The following ELP1 variants were observed in gnomAD, a reference collection of about 807,000 sequenced individuals.
ELP1 encodes the protein elongator complex protein 1.
Under a neutral mutation model 183.2 loss-of-function variants are expected in ELP1, and 131 were observed. That is an observed-to-expected ratio of 0.72 (90% CI 0.62 to 0.83). The LOEUF is 0.83. ELP1 is among the 40% of genes least tolerant of loss of function. ELP1 has a pLI of 0.00. For missense variants in ELP1, 1,550 were observed against 1,594.9 expected (o/e 0.97, Z 0.48); for synonymous variants, 555 against 569.0 (o/e 0.98, Z 0.35).
chr9:108,905,875 AC>A (rs1828998547), intron 14 of ELP1, among the ~76,000 whole-genome samples: 4 of 143,630 alleles, frequency 2.8e-5, no homozygotes, highest in Non-Finnish European at 6.3e-5. Context: ...GTATACACAC[AC>A]ACACACACAC....
At chr9:108,892,763 AAAG>A (rs1828392630) in intron 27 of ELP1, among the ~76,000 whole-genome samples, 1 of 152,196 alleles carries the variant, frequency 6.6e-6, no homozygotes, top group Admixed American at 6.5e-5. Flanking sequence ...GAGGGGTGGG[AAAG>A]AAGCAGGGAA....
At chr9:108,898,105 A>G (rs1828625719) in intron 22 of ELP1, among the ~76,000 whole-genome samples, 1 of 152,242 alleles carries the variant, frequency 6.6e-6, no homozygotes, top group Non-Finnish European at 1.5e-5. Context: ...TAAACTGGCG[A>G]ATCCAGGTGG....
Position 108,890,885 on chromosome 9 carries a change from C to T in ELP1, c.3160+318G>A, listed in dbSNP as rs112030147. 2.6e-3 allele frequency among the ~76,000 whole-genome samples: 400 copies of T among 152,302 alleles called. 3 individuals are homozygous for T. Among genetic ancestry groups the T allele is most frequent in the African/African-American group, 8.9e-3 (372 of 41,566 alleles). On this transcript the variant is annotated intron_variant, in intron 28 of 36. Coordinates refer to ENST00000374647, the MANE Select transcript of ELP1 (RefSeq NM_003640.5). Reference sequence around the variant, plus strand: ...TTTTACCATGATTCTAACTTCTCCCCACTCTCCTTCCTTCCCCACAGCTGT... The same window carrying T: ...TTTTACCATGATTCTAACTTCTCCCTACTCTCCTTCCTTCCCCACAGCTGT...
chr9:108,915,207 G>A (rs1312023229), intron 10 of ELP1, among the ~76,000 whole-genome samples: 2 of 152,052 alleles, frequency 1.3e-5, no homozygotes, highest in South Asian at 2.1e-4. Context: ...TTTTTCTGTG[G>A]TAATACCATG....
intron 10 of ELP1, among the ~76,000 whole-genome samples, chr9:108,915,229 G>C (rs966217323): frequency 1.3e-5 from 2 of 152,184 alleles, no homozygotes; most frequent in Non-Finnish European, 2.9e-5. Context: ...ACTAGGGAAA[G>C]CACGTGATGA....
At chr9:108,901,998 A>G (rs1828826941) in intron 16 of ELP1, among the ~76,000 whole-genome samples, 1 of 152,224 alleles carries the variant, frequency 6.6e-6, no homozygotes, top group African/African-American at 2.4e-5. Context: ...TCTTCTGGGC[A>G]GCCAGAATCA....
At chr9:108,914,683 G>C (rs1054187399) in intron 10 of ELP1, among the ~76,000 whole-genome samples, 2 of 152,162 alleles carry the variant, frequency 1.3e-5, no homozygotes, top group Middle Eastern at 3.4e-3. Context: ...GAGTGCAGTG[G>C]CACGATCTCC....
intron 36 of ELP1, among the ~76,000 whole-genome samples, chr9:108,872,394 T>C (rs1827490100): frequency 6.6e-6 from 1 of 152,178 alleles, no homozygotes; most frequent in African/African-American, 2.4e-5. Context: ...CTCCACTAAA[T>C]GGTGCCATAA....
intron 22 of ELP1, among the ~76,000 whole-genome samples, chr9:108,897,582 A>T (rs1380427992): frequency 6.6e-6 from 1 of 152,252 alleles, no homozygotes; most frequent in Non-Finnish European, 1.5e-5. Context: ...CCAATAAAAA[A>T]AGAATGAACT....
chr9:108,925,729 T>C (rs1376909474), intron 5 of ELP1, among the ~76,000 whole-genome samples: 2 of 152,200 alleles, frequency 1.3e-5, no homozygotes, highest in African/African-American at 4.8e-5. Flanking sequence ...TTTAAATTCT[T>C]TGTAGATGCT....
At position 108,919,322 on chromosome 9, in the gene ELP1, G is replaced by C. The variant is rs1054248843; in HGVS notation, c.580C>G (p.His194Asp). 7.4e-6 allele frequency: 12 copies of C among 1,613,662 alleles called. No homozygotes were observed. The highest frequency in any genetic ancestry group is 1.0e-5 in the Non-Finnish European group (12 of 1,179,714). The change falls in exon 7 of 37, where the codon CAT becomes GAT. Residue 194 changes from histidine to aspartate, a missense_variant. Physicochemically the swap from His to Asp is moderately conservative, Grantham distance 81. Transcript: ENST00000374647. ...CCCCGCCAGGTAACTTGTGGTCTATGGTCATCCCAGGGCAAAGCAGACTCA... is the reference window on the plus strand; with the variant it reads ...CCCCGCCAGGTAACTTGTGGTCTATCGTCATCCCAGGGCAAAGCAGACTCA... ...MHESALPWDD[H>D]RPQVTWRGDG...
chr9:108,893,926 C>A lies in ELP1; in HGVS notation c.2860+17G>T, dbSNP rs1223223000. The A allele has an allele frequency of 3.7e-6, 6 of 1,613,464 alleles. No individual in the cohort carries two copies. The South Asian group carries it at 5.5e-5, about 15-fold the overall frequency. On this transcript the variant is annotated intron_variant, in intron 26 of 36. Transcript: ENST00000374647. The stretch of plus-strand genomic sequence containing the variant: ...AAGATCTGAAGTAGAGATAAACATA[C>A]TAATCCCCACACTTACCACATTTGC...
Position 108,912,479 on chromosome 9 carries a change from A to G in ELP1, c.974T>C (p.Val325Ala). 6.2e-7 allele frequency: 1 copy of G among 1,613,588 alleles called. No individual in the cohort carries two copies. ...CTTGAGATACCAGTGATAGTTTCCA[A>G]CAGTCCAGAGCTGAACTGCAAGGGA... ...IPKTCVQLWT[V>A]GNYHWYLKQS... Residue 325 changes from valine (V) to alanine (A), a missense_variant, in exon 11 of 37, where the codon GTT (valine) becomes GCT (alanine). Transcript: ENST00000374647.
chr9:108,901,926 C>T (rs574101391), intron 16 of ELP1, among the ~76,000 whole-genome samples: 1 of 152,300 alleles, frequency 6.6e-6, no homozygotes, highest in African/African-American at 2.4e-5. Flanking sequence ...TTTTTCCCCT[C>T]ACTAACTCCA....
chr9:108,915,446 G>A (rs1354595934), intron 10 of ELP1, among the ~76,000 whole-genome samples: 2 of 152,132 alleles, frequency 1.3e-5, no homozygotes, highest in African/African-American at 2.4e-5. Context: ...CTGAGGCTTC[G>A]CAGAAAAGAA....
intron 31 of ELP1, 72 bp downstream of exon 31, chr9:108,881,626 TAAATAGG>T: frequency 2.3e-6 from 2 of 868,618 alleles, no homozygotes; most frequent in Non-Finnish European, 3.9e-6. Flanking sequence ...GAAAACACAG[TAAATAGG>T]AGGAGACTCT....
intron 14 of ELP1, among the ~76,000 whole-genome samples, chr9:108,905,536 G>C (rs1027327886): frequency 6.6e-6 from 1 of 152,192 alleles, no homozygotes; most frequent in Admixed American, 6.5e-5. Context: ...GGTAAATGTA[G>C]TCAGGTACAA....
intron 2 of ELP1, among the ~76,000 whole-genome samples, chr9:108,930,450 G>A (rs928303229): frequency 8.5e-5 from 13 of 152,140 alleles, no homozygotes; most frequent in African/African-American, 1.9e-4. Flanking sequence ...ACTCTTGGCC[G>A]GGCGCTGAGG....
chr9:108,905,838 T>G (rs1828995354), intron 14 of ELP1, among the ~76,000 whole-genome samples: 1 of 149,556 alleles, frequency 6.7e-6, no homozygotes, highest in East Asian at 2.0e-4. Context: ...TGTCAAGTAT[T>G]TGTGTATCTA....
Sources: allele counts gnomAD v4.1 joint callset (sites outside exome capture counted in the v4.1 genomes callset), GRCh38; gene constraint gnomAD v4.1.1; transcripts MANE v1.5; gene names NCBI Gene and HGNC (gene_info 2026-07-23, HGNC 2026-07-21).